Variants in NBEA observed in about 807,000 individuals in gnomAD.
NBEA encodes neurobeachin.
Under a neutral mutation model 343.4 loss-of-function variants are expected in NBEA, and 44 were observed. The observed-to-expected ratio is 0.13, with a 90% CI of 0.10 to 0.16. The LOEUF is 0.16. NBEA is among the 10% of genes least tolerant of loss of function. NBEA has a pLI of 1.00. For synonymous variants in NBEA, 1,175 were observed against 1,238.7 expected (o/e 0.95, Z 1.08); for missense variants, 2,555 against 3,631.3 (o/e 0.70, Z 7.62).
intron 34 of NBEA, among the ~76,000 whole-genome samples, chr13:35,269,591 A>C (rs2033968970): frequency 6.6e-6 from 1 of 152,196 alleles, no homozygotes; most frequent in South Asian, 2.1e-4. Context: ...TCAGAAGAGT[A>C]GTGGAAACGA....
chr13:35,559,442 T>TTATCATTTC (rs2079747840), intron 44 of NBEA, among the ~76,000 whole-genome samples: 1 of 152,190 alleles, frequency 6.6e-6, no homozygotes, highest in African/African-American at 2.4e-5. Context: ...AACTTAAGAT[T>TTATCATTTC]TATCATTTCT....
chr13:35,190,455 G>A (rs767206194), intron 30 of NBEA, among the ~76,000 whole-genome samples: 1 of 152,010 alleles, frequency 6.6e-6, no homozygotes, highest in African/African-American at 2.4e-5. Flanking sequence ...AACATTGCAA[G>A]CATACCCAAA....
intron 34 of NBEA, among the ~76,000 whole-genome samples, chr13:35,252,231 C>G (rs1291684061): frequency 1.3e-5 from 2 of 152,132 alleles, no homozygotes; most frequent in African/African-American, 2.4e-5. Flanking sequence ...GGAGGATCGC[C>G]AAGCAAAGGG....
In NBEA at chr13:35,322,849, G is replaced by A. The variant is rs377524218; in HGVS notation, c.5903+13257G>A. 1.8e-4 allele frequency among the ~76,000 whole-genome samples: 27 copies of A among 152,100 alleles called. No homozygotes were observed. In the South Asian group the frequency reaches 5.6e-3, roughly 32 times the overall value. ...AAATTTGTGATCATAAATTGTATTT[G>A]AATTATATTTTGTTTTTTGAGACAG... On this transcript the variant is annotated intron_variant, in intron 36 of 58. Coordinates refer to ENST00000379939, the MANE Select transcript of NBEA (RefSeq NM_001385012.1).
At chr13:35,349,356 G>C in intron 37 of NBEA, 140 bp downstream of exon 37, 1 of 508,610 alleles carries the variant, frequency 2.0e-6, no homozygotes, top group Non-Finnish European at 3.6e-6. Context: ...AAAAGCTTTA[G>C]TAAATGTCAA....
At chr13:35,365,682 A>G (rs73494537) in intron 38 of NBEA, among the ~76,000 whole-genome samples, 1,825 of 151,744 alleles carry the variant, frequency 0.012, 46 homozygotes, top group African/African-American at 0.042. Context: ...TTTTATTTAT[A>G]TATCATCACA....
Position 35,177,043 on chromosome 13 carries a change from G to A in NBEA, c.4602G>A (p.Pro1534=), listed in dbSNP as rs371251683. The A allele has an allele frequency of 5.9e-5, 95 of 1,605,486 alleles. No homozygotes were observed. The highest frequency in any genetic ancestry group is 1.6e-4 in the Middle Eastern group (1 of 6,062). Reference sequence around the variant, plus strand: ...GTAACCTTTCTCCTATTAAGGATCCGGATAGACTTCTTCAGGATGTTGATA... The same window carrying A: ...GTAACCTTTCTCCTATTAAGGATCCAGATAGACTTCTTCAGGATGTTGATA... ...VPGNLSPIKD[P]DRLLQDVDIN... is the part of the protein sequence containing the mutation. The change falls in exon 28 of 59, where the codon CCG becomes CCA. Residue 1534 remains proline, a synonymous_variant. Coordinates refer to ENST00000379939, the MANE Select transcript of NBEA (RefSeq NM_001385012.1).
rs573273838 is a variant in NBEA at position 35,664,615 on chromosome 13, A to G, written c.8363-470A>G. On this transcript the variant is annotated intron_variant, in intron 55 of 58. Coordinates refer to ENST00000379939, the MANE Select transcript of NBEA (RefSeq NM_001385012.1). ...TTTTTAGCTAGGTTCGCACTAATAAAGTGAAGTAGGTTCAATTCCAACCCT... is the reference window on the plus strand; with the variant it reads ...TTTTTAGCTAGGTTCGCACTAATAAGGTGAAGTAGGTTCAATTCCAACCCT... 1.6e-4 allele frequency among the ~76,000 whole-genome samples: 24 copies of G among 152,356 alleles called. No individual in the cohort carries two copies. In the South Asian group the frequency reaches 4.6e-3, roughly 29 times the overall value.
intron 1 of NBEA, among the ~76,000 whole-genome samples, chr13:34,978,447 C>T (rs1056253811): frequency 6.6e-6 from 1 of 152,272 alleles, no homozygotes; most frequent in Middle Eastern, 3.4e-3. Context: ...TGACGCCATG[C>T]ATATTTTTTA....
intron 2 of NBEA, among the ~76,000 whole-genome samples, 167 bp from the exon 3 acceptor site, chr13:35,044,780 T>C (rs147355990): frequency 6.6e-6 from 1 of 151,830 alleles, no homozygotes; most frequent in Non-Finnish European, 1.5e-5. Context: ...TTAATTGGAA[T>C]GGCTATTCAT....
At chr13:35,615,500 C>T (rs1055989283) in intron 48 of NBEA, among the ~76,000 whole-genome samples, 6 of 151,948 alleles carry the variant, frequency 3.9e-5, no homozygotes, top group African/African-American at 1.2e-4. Context: ...TGCACCACCA[C>T]GCCCGGCTAA....
At chr13:35,136,822 C>G (rs1281134907) in intron 17 of NBEA, among the ~76,000 whole-genome samples, 1 of 152,100 alleles carries the variant, frequency 6.6e-6, no homozygotes, top group Non-Finnish European at 1.5e-5. Context: ...GAATGGCATC[C>G]CCAGTCAATT....
chr13:35,099,395 T>TC (rs1447631653), intron 11 of NBEA, among the ~76,000 whole-genome samples: 1 of 152,038 alleles, frequency 6.6e-6, no homozygotes, highest in Non-Finnish European at 1.5e-5. Context: ...AGACAGGGTT[T>TC]CACCGTATTA....
At chr13:35,356,858 A>G (rs2040517537) in intron 38 of NBEA, among the ~76,000 whole-genome samples, 1 of 152,108 alleles carries the variant, frequency 6.6e-6, no homozygotes, top group African/African-American at 2.4e-5. Context: ...ATACTCAGAT[A>G]GGTCTTTGCA....
intron 33 of NBEA, among the ~76,000 whole-genome samples, chr13:35,230,012 G>A (rs935587979): frequency 7.9e-5 from 12 of 152,008 alleles, no homozygotes; most frequent in Non-Finnish European, 1.5e-4. Flanking sequence ...CTCTTGCTGA[G>A]TAAAATATTA....
chr13:35,255,221 G>A (rs1330188817), intron 34 of NBEA, among the ~76,000 whole-genome samples: 2 of 152,198 alleles, frequency 1.3e-5, no homozygotes, highest in Non-Finnish European at 2.9e-5. Context: ...AATAAATAGG[G>A]ACTGTTGCGA....
intron 33 of NBEA, among the ~76,000 whole-genome samples, chr13:35,221,551 A>G (rs2074372698): frequency 6.6e-6 from 1 of 152,088 alleles, no homozygotes; most frequent in South Asian, 2.1e-4. Context: ...TATTATGTGA[A>G]AAACCTATGT....
chr13:35,050,186 T>C, intron 5 of NBEA, 83 bp from the exon 6 acceptor site: 3 of 1,318,472 alleles, frequency 2.3e-6, no homozygotes, highest in Non-Finnish European at 3.1e-6. Context: ...ATAAGTTTTA[T>C]TTTTATAAGA....
chr13:35,536,367 A>G (rs2078541750), intron 41 of NBEA, among the ~76,000 whole-genome samples: 1 of 152,164 alleles, frequency 6.6e-6, no homozygotes, highest in Non-Finnish European at 1.5e-5. Context: ...GACAAGGAGG[A>G]GAAGTTATTC....
Sources: allele counts gnomAD v4.1 joint callset (sites outside exome capture counted in the v4.1 genomes callset), GRCh38; gene constraint gnomAD v4.1.1; transcripts MANE v1.5; gene names NCBI Gene and HGNC (gene_info 2026-07-23, HGNC 2026-07-21).